Variants in ERCC6 observed in about 807,000 individuals in gnomAD.
The protein encoded by ERCC6 is ERCC excision repair 6, chromatin remodeling factor.
A neutral mutation model predicts 158.7 loss-of-function variants in ERCC6; 116 were observed. That is an observed-to-expected ratio of 0.73 (90% CI 0.63 to 0.85). The LOEUF (loss-of-function observed/expected upper bound fraction) is 0.85. ERCC6 is among the 40% of genes least tolerant of loss of function. The pLI, the probability that ERCC6 is intolerant of heterozygous loss-of-function variation, is 0.00. For missense variants in ERCC6, 1,698 were observed against 1,799.4 expected, an observed-to-expected ratio of 0.94 and a Z score of 1.02; for synonymous variants, 678 against 659.3, an observed-to-expected ratio of 1.03 and a Z score of -0.43.
chr10:49,503,501 A>G (rs1851389636), intron 6 of ERCC6: 1 of 152,140 alleles, frequency 6.6e-6, no homozygotes, highest in Non-Finnish European at 1.5e-5. Context: ...TTCTTTCCAC[A>G]CAATACACGA....
At chr10:49,452,031 T>C (rs1564722006), downstream of ERCC6, among the ~76,000 whole-genome samples, 1 of 152,110 alleles carries the variant, frequency 6.6e-6, no homozygotes, top group Non-Finnish European at 1.5e-5. Context: ...AGTGAAATAT[T>C]TGTCATATTT....
rs566983582 is a variant in ERCC6, at chr10:49,494,281, G to A, written c.1686-1029C>T. Among the ~76,000 whole-genome samples the A allele has an allele frequency of 4.6e-5, 7 of 152,254 alleles. 1 individual carries two copies. In the South Asian group the frequency reaches 1.5e-3, roughly 32 times the overall value. ...AGTATTGATCTTATAGGGTTATTAC[G>A]AAGATTAAATCAGTTAACATCTGTA... On this transcript the variant is annotated intron_variant, in intron 7 of 20. Transcript: ENST00000355832.
chr10:49,495,325 C>T (rs111352374), intron 7 of ERCC6, among the ~76,000 whole-genome samples: 10 of 152,166 alleles, frequency 6.6e-5, no homozygotes, highest in Non-Finnish European at 1.3e-4. Flanking sequence ...CAGGGCCACA[C>T]GCCTGCCTCT....
At chr10:49,508,621 C>T (rs1040033630) in intron 5 of ERCC6, among the ~76,000 whole-genome samples, 3 of 152,096 alleles carry the variant, frequency 2.0e-5, no homozygotes, top group South Asian at 4.1e-4. Context: ...AGACAAATTG[C>T]CCCAGTAGAA....
chr10:49,479,353 T>TA, intron 10 of ERCC6, among the ~76,000 whole-genome samples: 1 of 152,244 alleles, frequency 6.6e-6, no homozygotes, highest in South Asian at 2.1e-4. Context: ...ATTAACTTGT[T>TA]AAAAAATGTT....
chr10:49,473,020 G>A lies in ERCC6; in HGVS notation c.2718C>T (p.Ser906=), dbSNP rs769843640. The stretch of plus-strand genomic sequence containing the variant: ...GCGTGGTCAGAAGAAACACAAATAT[G>A]GATGTGTCCTAGAGGTAAGACACAC... ...PLITRYNEDT[S]IFVFLLTTRV... is the part of the protein sequence containing the mutation. Residue 906 remains serine, a synonymous_variant, in exon 15 of 21, where the codon TCC becomes TCT. Transcript: ENST00000355832. 4.3e-6 allele frequency: 7 copies of A among 1,614,068 alleles called. No individual in the cohort carries two copies. Among genetic ancestry groups the A allele is most frequent in the Non-Finnish European group, 5.9e-6 (7 of 1,180,018 alleles).
chr10:49,474,115 C>A lies in ERCC6; in HGVS notation c.2510G>T (p.Arg837Leu). ...LEEDQFGYWK[R>L]SGKMIVVESL... Reference sequence around the variant, plus strand: ...CTCAACAACAATCATTTTCCCAGAACGTTTCCAGTACCCAAACTGATCTTC... The same window carrying A: ...CTCAACAACAATCATTTTCCCAGAAAGTTTCCAGTACCCAAACTGATCTTC... Residue 837 changes from arginine to leucine, a missense_variant, in exon 13 of 21, where the codon CGT (arginine) becomes CTT (leucine). Physicochemically the swap from Arg to Leu is moderately radical, Grantham distance 102. Coordinates refer to ENST00000355832, the MANE Select transcript of ERCC6 (RefSeq NM_000124.4). 6.2e-7 allele frequency: 1 copy of A among 1,614,162 alleles called. No individual in the cohort carries two copies. The highest frequency in any genetic ancestry group is 8.5e-7 in the Non-Finnish European group (1 of 1,180,030).
chr10:49,476,370 A>G, intron 11 of ERCC6, 60 bp from the exon 12 acceptor site: 3 of 1,160,652 alleles, frequency 2.6e-6, no homozygotes, highest in Admixed American at 1.8e-5. Context: ...AGAAATAATT[A>G]AAATATCAAC....
rs2132536624 is a variant in ERCC6 at position 49,470,173 on chromosome 10, A to G, written c.3778+9T>C. Reference sequence around the variant, plus strand: ...AGCATCCCTGTGGCAAACGTATCAAATGGATTACCTGATTTTTTGAAAAGC... The same window carrying G: ...AGCATCCCTGTGGCAAACGTATCAAGTGGATTACCTGATTTTTTGAAAAGC... On this transcript the variant is annotated intron_variant, in intron 18 of 20. Coordinates refer to ENST00000355832, the MANE Select transcript of ERCC6 (RefSeq NM_000124.4). The G allele has an allele frequency of 6.2e-7, 1 of 1,613,618 alleles. No homozygotes were observed. The highest frequency in any genetic ancestry group is 8.5e-7 in the Non-Finnish European group (1 of 1,179,486).
chr10:49,461,629 G>A (rs1321329778), intron 18 of ERCC6, 73 bp from the exon 19 acceptor site: 2 of 1,439,820 alleles, frequency 1.4e-6, no homozygotes, highest in African/African-American at 2.8e-5. Context: ...CTCTGTATAA[G>A]TACAGTACTG....
chr10:49,476,245 T>C lies in ERCC6; in HGVS notation c.2352A>G (p.Glu784=), dbSNP rs767691315. Residue 784 remains glutamate (E), a synonymous_variant, in exon 12 of 21, where the codon GAA becomes GAG. Transcript: ENST00000355832. ...KVYQNFVDSK[E]VYRILNGEMQ... Reference sequence around the variant, plus strand: ...TCTCTCCATTGAGAATCCTGTAAACTTCTTTGGAATCAACGAAATTTTGGT... The same window carrying C: ...TCTCTCCATTGAGAATCCTGTAAACCTCTTTGGAATCAACGAAATTTTGGT... 1.2e-6 allele frequency: 2 copies of C among 1,613,902 alleles called. No homozygotes were observed. Among genetic ancestry groups the C allele is most frequent in the East Asian group, 2.2e-5 (1 of 44,864 alleles).
intron 9 of ERCC6, 68 bp downstream of exon 9, chr10:49,483,278 C>G: frequency 6.8e-7 from 1 of 1,475,888 alleles, no homozygotes; most frequent in South Asian, 1.1e-5. Flanking sequence ...TTACTAAAAG[C>G]AGATAGTTTA....
intron 3 of ERCC6, among the ~76,000 whole-genome samples, chr10:49,529,628 A>G (rs1837422336): frequency 6.6e-6 from 1 of 152,162 alleles, no homozygotes; most frequent in African/African-American, 2.4e-5. Context: ...CAGGTAACAG[A>G]CTGGTGAGTG....
Position 49,482,713 on chromosome 10 carries a change from C to A in ERCC6, c.2143G>T (p.Gly715Ter), listed in dbSNP as rs780538788. 32 of 1,613,444 alleles carry A rather than the reference C, an allele frequency of 2.0e-5. No homozygotes were observed. The highest frequency in any genetic ancestry group is 2.7e-5 in the Non-Finnish European group (32 of 1,179,850). Residue 715 changes from glycine to a stop codon, truncating the protein, a stop_gained, in exon 10 of 21, where the codon GGA becomes TGA. Transcript: ENST00000355832. LOFTEE classifies it high-confidence loss of function. The part of the protein sequence containing the change: ...EQFSVPITMG[G>*]YSNASPVQVK... ...TGTACTGGGGAAGCATTTGAATATC[C>A]CCCCATGGTGATGGGGACGGAGAAC...
chr10:49,516,606 C>T, intron 5 of ERCC6: 2 of 1,614,130 alleles, frequency 1.2e-6, no homozygotes, highest in Non-Finnish European at 1.7e-6. Flanking sequence ...AAGATGTACA[C>T]CTTTACTGCA....
At chr10:49,506,843 C>CA (rs1173361545) in intron 5 of ERCC6, among the ~76,000 whole-genome samples, 1 of 150,524 alleles carries the variant, frequency 6.6e-6, no homozygotes, top group East Asian at 1.9e-4. Context: ...TATTCACTTT[C>CA]AAAATAAAAA....
intron 5 of ERCC6, chr10:49,506,288 C>G (rs985848878): frequency 4.6e-5 from 21 of 457,426 alleles, no homozygotes; most frequent in African/African-American, 3.8e-4. Flanking sequence ...CCTCTTCTGG[C>G]ATACCCTAAG....
In ERCC6 at chr10:49,473,996, C is replaced by G. The variant is rs200160266; in HGVS notation, c.2598+31G>C. 1.0e-4 allele frequency: 165 copies of G among 1,595,114 alleles called. 2 individuals carry two copies. In the Middle Eastern group the frequency reaches 1.2e-3, roughly 11 times the overall value. On this transcript the variant is annotated intron_variant, in intron 13 of 20. Coordinates refer to ENST00000355832, the MANE Select transcript of ERCC6 (RefSeq NM_000124.4). ...GTTGATGGCTGTCATAAAGAACCAG[C>G]CTGTTTCCCGTCTGAAGTCTGTGCA... is the stretch of plus-strand genomic sequence containing the variant.
At chr10:49,509,876 T>C (rs1019658481) in intron 5 of ERCC6, among the ~76,000 whole-genome samples, 1 of 152,152 alleles carries the variant, frequency 6.6e-6, no homozygotes, top group African/African-American at 2.4e-5. Flanking sequence ...ACACACGTAA[T>C]AGTCACAGCT....
Sources: allele counts gnomAD v4.1 joint callset (sites outside exome capture counted in the v4.1 genomes callset), GRCh38; gene constraint gnomAD v4.1.1; transcripts MANE v1.5; gene names NCBI Gene and HGNC (gene_info 2026-07-23, HGNC 2026-07-21).